The following GRIP1 variants were observed in gnomAD, a reference collection of about 807,000 sequenced individuals.
The protein encoded by GRIP1 is glutamate receptor-interacting protein 1.
Under a neutral mutation model 129.9 loss-of-function variants are expected in GRIP1, and 45 were observed. The observed-to-expected ratio is 0.35, with a 90% confidence interval of 0.27 to 0.44. GRIP1 has a LOEUF of 0.44. GRIP1 is among the 20% of genes least tolerant of loss of function. GRIP1 has a pLI of 1.00. For missense variants in GRIP1, 1,196 were observed against 1,396.8 expected, an observed-to-expected ratio of 0.86 and a Z score of 2.29; for synonymous variants, 530 against 520.8, an observed-to-expected ratio of 1.02 and a Z score of -0.24.
intron 7 of GRIP1, among the ~76,000 whole-genome samples, chr12:66,514,334 A>G (rs987495868): frequency 6.6e-6 from 1 of 152,170 alleles, no homozygotes; most frequent in African/African-American, 2.4e-5. Context: ...TTTAAAATAT[A>G]CCCTACTTAT....
At chr12:66,480,059 G>C (rs1009757197) in intron 7 of GRIP1, among the ~76,000 whole-genome samples, 1 of 152,170 alleles carries the variant, frequency 6.6e-6, no homozygotes, top group African/African-American at 2.4e-5. Context: ...AGTATTGGAA[G>C]TTCTGGCCAG....
chr12:66,459,307 C>T (rs1468152841), intron 9 of GRIP1, among the ~76,000 whole-genome samples: 1 of 152,174 alleles, frequency 6.6e-6, no homozygotes, highest in African/African-American at 2.4e-5. Flanking sequence ...TCTCACCATC[C>T]TCATTCTACT....
chr12:66,434,673 T>C (rs1592857260), intron 13 of GRIP1, among the ~76,000 whole-genome samples: 2 of 152,250 alleles, frequency 1.3e-5, no homozygotes, highest in East Asian at 3.8e-4. Flanking sequence ...ATGCCTTTCC[T>C]GAGTCCTCCC....
chr12:66,600,014 G>A (rs1242805091), intron 1 of GRIP1, among the ~76,000 whole-genome samples: 1 of 152,194 alleles, frequency 6.6e-6, no homozygotes, highest in Non-Finnish European at 1.5e-5. Context: ...TACCAGCAGA[G>A]ACCTTGTATG....
At chr12:66,931,759 A>G (rs2041399625) in intron 1 of GRIP1, among the ~76,000 whole-genome samples, 1 of 152,208 alleles carries the variant, frequency 6.6e-6, no homozygotes, top group Non-Finnish European at 1.5e-5. Flanking sequence ...AAGAAACATT[A>G]TGACTCAAGA....
intron 2 of GRIP1, among the ~76,000 whole-genome samples, chr12:66,576,197 A>G (rs540113542): frequency 6.6e-6 from 1 of 152,332 alleles, no homozygotes; most frequent in Non-Finnish European, 1.5e-5. Flanking sequence ...ACTAGTTATG[A>G]TATTTTAGTA....
intron 1 of GRIP1, among the ~76,000 whole-genome samples, chr12:67,023,544 G>A (rs1439251295): frequency 6.6e-6 from 1 of 151,766 alleles, no homozygotes; most frequent in African/African-American, 2.4e-5. Flanking sequence ...TATGATATAT[G>A]CTAAATCAGT....
intron 1 of GRIP1, among the ~76,000 whole-genome samples, chr12:66,875,948 A>G (rs1270282099): frequency 6.6e-6 from 1 of 152,092 alleles, no homozygotes; most frequent in African/African-American, 2.4e-5. Context: ...AAATAGTGGT[A>G]CAATTAAATT....
intron 2 of GRIP1, among the ~76,000 whole-genome samples, chr12:66,549,910 A>G (rs10506486): frequency 0.25 from 38,158 of 152,078 alleles, 4,922 homozygotes; most frequent in Admixed American, 0.28. Context: ...GGGGATATAC[A>G]AATATGCAGT....
At chr12:66,367,166 G>GCTGA (rs2055201630) in intron 23 of GRIP1, among the ~76,000 whole-genome samples, 1 of 152,172 alleles carries the variant, frequency 6.6e-6, no homozygotes, top group African/African-American at 2.4e-5. Flanking sequence ...ATGAACGGTA[G>GCTGA]CTGAGATCAC....
chr12:66,645,308 G>A (rs2032272681), intron 1 of GRIP1, among the ~76,000 whole-genome samples: 1 of 152,152 alleles, frequency 6.6e-6, no homozygotes, highest in Non-Finnish European at 1.5e-5. Flanking sequence ...TTAACAGATT[G>A]GAAAACAGAC....
intron 2 of GRIP1, among the ~76,000 whole-genome samples, chr12:66,550,400 A>G (rs1414065278): frequency 6.6e-6 from 1 of 152,198 alleles, no homozygotes; most frequent in Non-Finnish European, 1.5e-5. Context: ...AAATTTCCAG[A>G]TATGCAAACT....
At chr12:67,063,087 A>G (rs2043562914) in intron 1 of GRIP1, among the ~76,000 whole-genome samples, 1 of 152,220 alleles carries the variant, frequency 6.6e-6, no homozygotes, top group Non-Finnish European at 1.5e-5. Flanking sequence ...CATGACATAG[A>G]TATTTCTTGT....
At chr12:66,997,990 G>A (rs530945279) in intron 1 of GRIP1, among the ~76,000 whole-genome samples, 106 of 152,116 alleles carry the variant, frequency 7.0e-4, no homozygotes, top group Non-Finnish European at 1.2e-3. Flanking sequence ...TCCATAATTT[G>A]CAAAATTTCA....
At chr12:66,954,510 C>G (rs917375958) in intron 1 of GRIP1, among the ~76,000 whole-genome samples, 1 of 152,182 alleles carries the variant, frequency 6.6e-6, no homozygotes, top group African/African-American at 2.4e-5. Flanking sequence ...GCTGGTGGTT[C>G]TGGGGTGGGG....
At chr12:66,368,100 G>A (rs2055258778) in intron 23 of GRIP1, among the ~76,000 whole-genome samples, 1 of 152,190 alleles carries the variant, frequency 6.6e-6, no homozygotes, top group Non-Finnish European at 1.5e-5. Context: ...TGGAGGAAGA[G>A]AAGTGGTAGG....
intron 15 of GRIP1, among the ~76,000 whole-genome samples, chr12:66,414,265 T>C (rs2137756349): frequency 6.6e-6 from 1 of 152,288 alleles, no homozygotes; most frequent in African/African-American, 2.4e-5. Context: ...ACAAAATCAC[T>C]GTGCAGAAAT....
At chr12:66,744,803 A>G (rs1474903890) in intron 1 of GRIP1, among the ~76,000 whole-genome samples, 1 of 152,152 alleles carries the variant, frequency 6.6e-6, no homozygotes, top group African/African-American at 2.4e-5. Context: ...TAACTCATCC[A>G]TCATAATTTA....
intron 1 of GRIP1, among the ~76,000 whole-genome samples, chr12:67,054,480 G>A (rs971786114): frequency 3.9e-5 from 6 of 152,014 alleles, no homozygotes; most frequent in Admixed American, 1.3e-4. Context: ...ACTACAGCTG[G>A]GGGCCAGGTG....
Sources: allele counts gnomAD v4.1 joint callset (sites outside exome capture counted in the v4.1 genomes callset), GRCh38; gene constraint gnomAD v4.1.1; transcripts MANE v1.5; gene names NCBI Gene and HGNC (gene_info 2026-07-23, HGNC 2026-07-21).